The following PALM variants were observed in gnomAD, a reference collection of about 807,000 sequenced individuals.
The protein encoded by PALM is paralemmin.
In PALM, 18 loss-of-function variants were observed where a neutral mutation model predicts 30.7. The observed-to-expected ratio is 0.59, with a 90% CI of 0.41 to 0.87. The LOEUF (loss-of-function observed/expected upper bound fraction) is 0.87, where lower values mean the gene tolerates loss of function less well. PALM is among the 40% of genes least tolerant of loss of function. The probability of loss-of-function intolerance (pLI) is 0.00; values close to 1 mark genes in which losing one functional copy is unlikely to be tolerated. For synonymous variants in PALM, 286 were observed against 242.8 expected (o/e 1.18, Z -1.66); for missense variants, 529 against 555.4 (o/e 0.95, Z 0.48).
chr19:712,384 T>C (rs1340415564), intron 1 of PALM, among the ~76,000 whole-genome samples: 1 of 151,974 alleles, frequency 6.6e-6, no homozygotes, highest in Admixed American at 6.6e-5. Context: ...CCCTTGACCC[T>C]TGATCCTTCT....
At chr19:732,625 C>T (rs1261661211) in intron 5 of PALM, among the ~76,000 whole-genome samples, 2 of 152,022 alleles carry the variant, frequency 1.3e-5, no homozygotes, top group Non-Finnish European at 2.9e-5. Context: ...ACCCAGGGGG[C>T]AGAGGTTGCA....
chr19:727,152 C>T (rs2032696758), intron 3 of PALM, 64 bp downstream of exon 3: 1 of 1,106,692 alleles, frequency 9.0e-7, no homozygotes, highest in Admixed American at 2.0e-5. Flanking sequence ...AGGCCCCGGA[C>T]TCCTGCCCAA....
At chr19:720,670 G>T (rs928250495) in intron 1 of PALM, among the ~76,000 whole-genome samples, 1 of 151,828 alleles carries the variant, frequency 6.6e-6, no homozygotes, top group Non-Finnish European at 1.5e-5. Flanking sequence ...CTGGGGAGGG[G>T]CCTGCGCCCT....
chr19:732,208 G>A (rs993926543), intron 5 of PALM, among the ~76,000 whole-genome samples: 1 of 152,128 alleles, frequency 6.6e-6, no homozygotes, highest in Admixed American at 6.5e-5. Flanking sequence ...GGTTTCTATC[G>A]ATCACCTGCA....
intron 1 of PALM, among the ~76,000 whole-genome samples, chr19:722,018 A>T (rs553145140): frequency 1.2e-3 from 183 of 152,226 alleles, no homozygotes; most frequent in Non-Finnish European, 2.4e-3. Context: ...TTCCGGGTTC[A>T]CGCCATTCTC....
intron 1 of PALM, among the ~76,000 whole-genome samples, chr19:713,774 G>T (rs1203627009): frequency 6.6e-6 from 1 of 152,066 alleles, no homozygotes; most frequent in Non-Finnish European, 1.5e-5. Context: ...TAGAGACGGG[G>T]TTTCACCATG....
chr19:726,204 C>T lies in PALM; in HGVS notation c.57+15C>T, dbSNP rs373408234. On this transcript the variant is annotated intron_variant, in intron 2 of 8. Transcript: ENST00000338448. ...AGGCCATCGCAGTGAGTTTCCGCCG[C>T]CCCGCAGACGGTGTGGTCAGGGTGG... is the stretch of plus-strand genomic sequence containing the variant. The T allele has an allele frequency of 4.8e-5, 77 of 1,611,508 alleles. No individual in the cohort carries two copies. Among genetic ancestry groups the T allele is most frequent in the Non-Finnish European group, 6.1e-5 (72 of 1,178,736 alleles).
At chr19:741,195 G>C (rs2033175439) in intron 8 of PALM, among the ~76,000 whole-genome samples, 1 of 152,104 alleles carries the variant, frequency 6.6e-6, no homozygotes, top group African/African-American at 2.4e-5. Context: ...CACAGAAAAT[G>C]CACATCCAGG....
chr19:712,116 G>A (rs557000551), intron 1 of PALM, among the ~76,000 whole-genome samples: 1 of 151,972 alleles, frequency 6.6e-6, no homozygotes, highest in African/African-American at 2.4e-5. Flanking sequence ...TCCGCCTCCC[G>A]GGTTCAAGCA....
chr19:718,876 G>A (rs557997061), intron 1 of PALM, among the ~76,000 whole-genome samples: 11 of 152,168 alleles, frequency 7.2e-5, no homozygotes, highest in African/African-American at 2.4e-4. Flanking sequence ...AGGGCAGGGC[G>A]GTGGAGGAAG....
chr19:728,860 C>A (rs1012511557), intron 4 of PALM, among the ~76,000 whole-genome samples: 2 of 151,970 alleles, frequency 1.3e-5, no homozygotes, highest in Non-Finnish European at 2.9e-5. Flanking sequence ...AAAAATTAGC[C>A]AGGCGTGGTG....
At chr19:720,198 G>GCCGGCC (rs1388820294) in intron 1 of PALM, among the ~76,000 whole-genome samples, 1 of 151,874 alleles carries the variant, frequency 6.6e-6, no homozygotes, top group East Asian at 2.0e-4. Context: ...GAGATGCTGC[G>GCCGGCC]CCGGCCCCAC....
In PALM at chr19:726,159, G is replaced by A. The variant is rs377213814; in HGVS notation, c.27G>A (p.Thr9=). The change falls in exon 2 of 9, where the codon ACG becomes ACA. Residue 9 remains threonine (T), a synonymous_variant. Transcript: ENST00000338448. MEVLAAET[T]SQQERLQAIA... is the part of the protein sequence containing the mutation. ...GCAGGGTCCTGGCGGCAGAGACCAC[G>A]TCCCAGCAGGAGCGGCTGCAGGCCA... 7.0e-5 allele frequency: 113 copies of A among 1,613,294 alleles called. No homozygotes were observed. Among genetic ancestry groups the A allele is most frequent in the Non-Finnish European group, 9.1e-5 (107 of 1,179,874 alleles).
At chr19:723,856 A>G (rs979578632) in intron 1 of PALM, among the ~76,000 whole-genome samples, 2 of 152,090 alleles carry the variant, frequency 1.3e-5, no homozygotes, top group East Asian at 1.9e-4. Flanking sequence ...TCGGCCTCCC[A>G]GAGCGCTGGG....
intron 7 of PALM, among the ~76,000 whole-genome samples, chr19:739,408 G>A (rs1037077819): frequency 2.6e-5 from 4 of 152,166 alleles, no homozygotes; most frequent in Non-Finnish European, 4.4e-5. Flanking sequence ...GGTGGGGCTC[G>A]AGGGCTCACG....
intron 4 of PALM, among the ~76,000 whole-genome samples, chr19:729,606 C>G (rs1285167689): frequency 2.0e-5 from 3 of 151,630 alleles, no homozygotes; most frequent in African/African-American, 7.3e-5. Flanking sequence ...GCTGGGATTA[C>G]AGGTGCCCGC....
At chr19:737,803 A>G (rs116975992) in intron 7 of PALM, among the ~76,000 whole-genome samples, 9,635 of 151,712 alleles carry the variant, frequency 0.064, 417 homozygotes, top group Non-Finnish European at 0.081. Flanking sequence ...AGGGCGGAGG[A>G]GAGATGATGG....
intron 1 of PALM, among the ~76,000 whole-genome samples, chr19:720,203 C>T (rs1454300088): frequency 1.3e-5 from 2 of 151,824 alleles, no homozygotes; most frequent in Admixed American, 1.3e-4. Context: ...GCTGCGCCGG[C>T]CCCACCCCCG....
At chr19:723,852 T>TC (rs1238520786) in intron 1 of PALM, among the ~76,000 whole-genome samples, 7 of 152,140 alleles carry the variant, frequency 4.6e-5, no homozygotes, top group Non-Finnish European at 8.8e-5. Flanking sequence ...CGCATCGGCC[T>TC]CCCAGAGCGC....
Sources: gnomAD v4.1 joint callset for allele counts (sites outside exome capture counted in the v4.1 genomes callset) on GRCh38, gnomAD v4.1.1 for gene constraint, MANE v1.5 for transcripts, NCBI Gene and HGNC (gene_info 2026-07-23, HGNC 2026-07-21) for gene names.